The following SNRPN variants were observed in gnomAD, a reference collection of about 807,000 sequenced individuals.
The protein encoded by SNRPN is small nuclear ribonucleoprotein polypeptide N, also known as small nuclear ribonucleoprotein-associated protein N.
Under a neutral mutation model 25.2 loss-of-function variants are expected in SNRPN, and 7 were observed. That is an observed-to-expected ratio of 0.28 (90% CI 0.16 to 0.52). The LOEUF is 0.52. SNRPN is among the 20% of genes least tolerant of loss of function. The pLI is 0.96. For synonymous variants in SNRPN, 124 were observed against 110.6 expected, an observed-to-expected ratio of 1.12 and a Z score of -0.76; for missense variants, 196 against 322.5, an observed-to-expected ratio of 0.61 and a Z score of 3.00.
Position 24,929,036 on chromosome 15 carries a change from G to T in SNRPN, c.-391+8912G>T, listed in dbSNP as rs2060613474. Among the ~76,000 whole-genome samples the T allele has an allele frequency of 6.6e-6, 1 of 152,038 alleles. No homozygotes were observed. The highest frequency in any genetic ancestry group is 1.5e-5 in the Non-Finnish European group (1 of 68,008). On this transcript the variant is annotated intron_variant, in intron 3 of 11. Transcript: ENST00000400097. This position sits in a 1 kb window ranked among gnomAD's most constrained non-coding sequence, Gnocchi z 5.3. ...TCCAAGGAATCCTGATTTCTATTGT[G>T]GAGAAGCGTACTTAGAAACCAAGGT...
At chr15:24,861,756 A>G (rs772034553) in intron 1 of SNRPN, among the ~76,000 whole-genome samples, 4 of 102,190 alleles carry the variant, frequency 3.9e-5, no homozygotes, top group Non-Finnish European at 5.8e-5. Context: ...ATAAACACAT[A>G]AGAGTCGATT....
rs185716464 is a variant in SNRPN at position 24,934,127 on chromosome 15, G to A, written c.-391+14003G>A. 1.0e-3 allele frequency among the ~76,000 whole-genome samples: 155 copies of A among 151,990 alleles called. 2 individuals carry two copies. The highest frequency in any genetic ancestry group is 3.4e-3 in the African/African-American group (142 of 41,450). ...AGCCTGGCCAACATGGTGAAACCCC[G>A]TCTCTATTAAAAATACAAAAATTAG... On this transcript the variant is annotated intron_variant, in intron 3 of 11. Coordinates refer to the SNRPN transcript ENST00000400097.
chr15:24,937,819 C>T (rs2061326465), intron 3 of SNRPN, among the ~76,000 whole-genome samples: 1 of 152,106 alleles, frequency 6.6e-6, no homozygotes, highest in Admixed American at 6.6e-5. Flanking sequence ...TTCCTGTCTC[C>T]ATGACATTTG....
At chr15:24,960,960 T>C (rs2074702186) in intron 1 of SNRPN, among the ~76,000 whole-genome samples, 1 of 152,166 alleles carries the variant, frequency 6.6e-6, no homozygotes, top group Admixed American at 6.5e-5. Context: ...TTTTTTTTCA[T>C]TGTTTGGATT....
intron 1 of SNRPN, among the ~76,000 whole-genome samples, chr15:24,958,267 G>A (rs959797558): frequency 1.3e-5 from 2 of 151,830 alleles, no homozygotes; most frequent in East Asian, 1.9e-4. Context: ...GTTTATCAGC[G>A]CCCTCTGTTT....
At chr15:24,940,309 G>A (rs559725055) in intron 3 of SNRPN, among the ~76,000 whole-genome samples, 16 of 152,176 alleles carry the variant, frequency 1.1e-4, no homozygotes, top group South Asian at 8.3e-4. Context: ...GTTATGAAGC[G>A]TTTTTTCCTG....
chr15:24,960,949 C>CT (rs957707015), intron 1 of SNRPN, among the ~76,000 whole-genome samples: 3 of 151,934 alleles, frequency 2.0e-5, no homozygotes, highest in Admixed American at 6.6e-5. Context: ...TCCCTACCTT[C>CT]TTTTTTTTCA....
intron 2 of SNRPN, among the ~76,000 whole-genome samples, chr15:24,896,709 G>A (rs1389423942): frequency 2.7e-5 from 4 of 149,872 alleles, no homozygotes; most frequent in East Asian, 2.0e-4. Flanking sequence ...GCGAGACTCC[G>A]TCTAAAAAAA....
chr15:24,974,849 C>G, intron 4 of SNRPN: 1 of 693,482 alleles, frequency 1.4e-6, no homozygotes, highest in South Asian at 1.5e-5. Context: ...ATGAGATGAG[C>G]CACTGTGCCT....
chr15:24,876,064 GA>G (rs1183499654), intron 1 of SNRPN, among the ~76,000 whole-genome samples: 1 of 140,684 alleles, frequency 7.1e-6, no homozygotes, highest in Admixed American at 7.2e-5. Context: ...AAAAAAAAAA[GA>G]AAAAAAACAA....
intron 1 of SNRPN, among the ~76,000 whole-genome samples, chr15:24,867,579 T>C (rs1453691495): frequency 6.6e-6 from 1 of 152,130 alleles, no homozygotes. Context: ...TTTCACCATG[T>C]TAGCCAGGAT....
chr15:24,921,117 A>G (rs918229112), intron 3 of SNRPN: 1 of 152,158 alleles, frequency 6.6e-6, no homozygotes, highest in South Asian at 2.1e-4. Context: ...ATAATATTCC[A>G]CTTGGCCAAG....
rs71127014 is a variant in SNRPN, at chr15:24,908,052, CAAAAAAAAAAA to C, written c.-504-11943_-504-11933del. On this transcript the variant is annotated intron_variant, in intron 2 of 11. Coordinates refer to the SNRPN transcript ENST00000400097. ...TGGGCAACAGAGCTAGACTCCATCT[CAAAAAAAAAAA>C]AAAAAAAAAAAAAAAGAATAAGAAA... 9.9e-5 allele frequency among the ~76,000 whole-genome samples: 7 copies of C among 70,708 alleles called. 1 individual carries two copies. The highest frequency in any genetic ancestry group is 9.8e-3 in the Middle Eastern group (1 of 102). 46.4% of individuals were successfully genotyped at this position (70,708 alleles called of 152,430 possible). A position where few individuals can be genotyped will look rare whatever the true frequency, so the allele number is the denominator to read the frequency against.
chr15:24,931,056 C>T (rs1595980608), intron 3 of SNRPN, among the ~76,000 whole-genome samples: 1 of 151,966 alleles, frequency 6.6e-6, no homozygotes, highest in South Asian at 2.1e-4. Context: ...TCTCAAAAAA[C>T]AAAAAAGTGA....
chr15:24,893,398 G>C (rs961267595), intron 2 of SNRPN, among the ~76,000 whole-genome samples: 21 of 152,136 alleles, frequency 1.4e-4, no homozygotes, highest in African/African-American at 4.6e-4. Context: ...GGTAGGATTG[G>C]TTGAGCCCAG....
At chr15:24,884,338 CACAA>C (rs1415557025) in intron 1 of SNRPN, among the ~76,000 whole-genome samples, 1 of 152,014 alleles carries the variant, frequency 6.6e-6, no homozygotes, top group South Asian at 2.1e-4. Context: ...TGTCTCAAAA[CACAA>C]ACAAACAAAA....
chr15:24,826,369 A>G (rs1595307288), intron 1 of SNRPN, among the ~76,000 whole-genome samples: 1 of 152,122 alleles, frequency 6.6e-6, no homozygotes, highest in African/African-American at 2.4e-5. Context: ...TTGAAGCAAT[A>G]ACATGAGGAA....
intron 1 of SNRPN, among the ~76,000 whole-genome samples, chr15:24,829,149 T>C (rs1342740762): frequency 6.6e-6 from 1 of 152,160 alleles, no homozygotes; most frequent in Admixed American, 6.5e-5. Flanking sequence ...CTTTGTTCAC[T>C]ATATGTGTGG....
At chr15:24,901,364 A>C (rs2058441777) in intron 2 of SNRPN, among the ~76,000 whole-genome samples, 1 of 152,162 alleles carries the variant, frequency 6.6e-6, no homozygotes, top group Non-Finnish European at 1.5e-5. Flanking sequence ...ATAGATGAGA[A>C]GCATACTTAG....
Sources: allele counts gnomAD v4.1 joint callset (sites outside exome capture counted in the v4.1 genomes callset), GRCh38; gene constraint gnomAD v4.1.1; non-coding constraint Gnocchi (gnomAD v3.1); transcripts MANE v1.5; gene names NCBI Gene and HGNC (gene_info 2026-07-23, HGNC 2026-07-21).